The following CTNNA3 variants were observed in gnomAD, a reference collection of about 807,000 sequenced individuals.
CTNNA3 encodes the protein catenin alpha-3.
In CTNNA3, 76 loss-of-function variants were observed where a neutral mutation model predicts 95.7. That is an observed-to-expected ratio of 0.79 (90% confidence interval 0.66 to 0.96). The LOEUF (loss-of-function observed/expected upper bound fraction) is 0.96, where lower values mean the gene tolerates loss of function less well. CTNNA3 is among the 40% of genes least tolerant of loss of function. The pLI, the probability that CTNNA3 is intolerant of heterozygous loss-of-function variation, is 0.00. For missense variants in CTNNA3, 1,191 were observed against 1,089.8 expected, an observed-to-expected ratio of 1.09 and a Z score of -1.31; for synonymous variants, 431 against 374.4, an observed-to-expected ratio of 1.15 and a Z score of -1.74.
chr10:66,477,348 T>C (rs190907767), intron 11 of CTNNA3, among the ~76,000 whole-genome samples: 2 of 152,234 alleles, frequency 1.3e-5, no homozygotes, highest in African/African-American at 4.8e-5. Flanking sequence ...GCTTTTAAAA[T>C]GTTGATGTAT....
intron 6 of CTNNA3, among the ~76,000 whole-genome samples, chr10:67,213,782 G>A (rs79903444): frequency 0.011 from 1,670 of 151,634 alleles, 31 homozygotes; most frequent in African/African-American, 0.038. Flanking sequence ...ATTTCTAGGT[G>A]GCCTGTATAA....
intron 7 of CTNNA3, among the ~76,000 whole-genome samples, chr10:66,952,160 G>A (rs912577653): frequency 2.0e-5 from 3 of 152,168 alleles, no homozygotes; most frequent in African/African-American, 7.2e-5. Context: ...CACCACTGGA[G>A]GGGTGTACAG....
intron 13 of CTNNA3, among the ~76,000 whole-genome samples, chr10:66,211,983 G>GTTTTTTTTT (rs61453326): frequency 4.2e-5 from 4 of 95,030 alleles, no homozygotes; most frequent in African/African-American, 8.9e-5. Context: ...TTGTTTTTGG[G>GTTTTTTTTT]TTTTTTTTTT....
At chr10:66,250,524 C>T (rs1442550671) in intron 13 of CTNNA3, among the ~76,000 whole-genome samples, 3 of 152,092 alleles carry the variant, frequency 2.0e-5, no homozygotes, top group Non-Finnish European at 4.4e-5. Context: ...ATCAAAGTAT[C>T]TCATGTGCCC....
At chr10:67,399,010 A>G (rs1039579283) in intron 5 of CTNNA3, among the ~76,000 whole-genome samples, 2 of 151,716 alleles carry the variant, frequency 1.3e-5, no homozygotes, top group African/African-American at 4.8e-5. Flanking sequence ...TGAGAACAGA[A>G]CGAATACACT....
At chr10:66,632,787 G>T (rs964638280) in intron 9 of CTNNA3, among the ~76,000 whole-genome samples, 1 of 151,208 alleles carries the variant, frequency 6.6e-6, no homozygotes, top group Non-Finnish European at 1.5e-5. Context: ...CAAAAGATAG[G>T]CAAAACTTTG....
In CTNNA3 at chr10:66,544,125, G is replaced by A. The variant is rs1841964441; in HGVS notation, c.1375-23352C>T. 2.0e-5 allele frequency among the ~76,000 whole-genome samples: 3 copies of A among 151,714 alleles called. No individual in the cohort carries two copies. The South Asian group carries it at 6.2e-4, about 31-fold the overall frequency. On this transcript the variant is annotated intron_variant, in intron 10 of 17. Transcript: ENST00000433211. ...TACTTCACACAGTAATGTGACTCAA[G>A]GCTTCATTGGCTATTATGTCCCCTT...
intron 13 of CTNNA3, among the ~76,000 whole-genome samples, chr10:66,223,127 A>G (rs1180044261): frequency 1.3e-5 from 2 of 152,114 alleles, no homozygotes; most frequent in African/African-American, 2.4e-5. Context: ...GACCTTTAAG[A>G]ACATCCCTGA....
intron 17 of CTNNA3, among the ~76,000 whole-genome samples, chr10:65,940,564 T>A (rs1240411473): frequency 6.6e-6 from 1 of 152,212 alleles, no homozygotes. Context: ...AGTAGTAAAA[T>A]ATTTATTCAG....
At chr10:66,092,272 G>T (rs1169665748) in intron 14 of CTNNA3, among the ~76,000 whole-genome samples, 1 of 151,866 alleles carries the variant, frequency 6.6e-6, no homozygotes, top group African/African-American at 2.4e-5. Flanking sequence ...TTAACTTTCT[G>T]CTTCTTCCTG....
chr10:66,450,239 G>A lies in CTNNA3; in HGVS notation c.1531+70378C>T, dbSNP rs76216956. On this transcript the variant is annotated intron_variant, in intron 11 of 17. Transcript: ENST00000433211. ...AATTTATTTTCTCATTTGATATTTT[G>A]CAGTTATGTTTAAGTCACATGCTAG... Among the ~76,000 whole-genome samples the A allele has an allele frequency of 0.013, 1,941 of 152,144 alleles. 166 individuals are homozygous for A. The East Asian group carries it at 0.24, about 18-fold the overall frequency.
At chr10:67,756,344 T>C (rs980617125) in intron 1 of CTNNA3, among the ~76,000 whole-genome samples, 7 of 152,278 alleles carry the variant, frequency 4.6e-5, no homozygotes, top group South Asian at 4.1e-4. Flanking sequence ...GTTTCTAGCA[T>C]AAAAAAGACA....
intron 10 of CTNNA3, among the ~76,000 whole-genome samples, chr10:66,547,223 C>T (rs1019176538): frequency 5.3e-5 from 8 of 152,154 alleles, no homozygotes; most frequent in Admixed American, 4.6e-4. Context: ...AAACACGTCA[C>T]ACGACCACTC....
Position 66,520,792 on chromosome 10 carries a change from A to C in CTNNA3, c.1375-19T>G. Reference sequence around the variant, plus strand: ...TAATAATCTATAAAGATAAGGATTGAAAAAATTACCTATTGGTTGCAATGT... The same window carrying C: ...TAATAATCTATAAAGATAAGGATTGCAAAAATTACCTATTGGTTGCAATGT... On this transcript the variant is annotated intron_variant, in intron 10 of 17. Transcript: ENST00000433211. The C allele has an allele frequency of 6.2e-7, 1 of 1,604,962 alleles. No homozygotes were observed. The highest frequency in any genetic ancestry group is 8.5e-7 in the Non-Finnish European group (1 of 1,174,630).
At chr10:66,159,178 G>C (rs1234505444) in intron 13 of CTNNA3, among the ~76,000 whole-genome samples, 1 of 151,948 alleles carries the variant, frequency 6.6e-6, no homozygotes, top group Admixed American at 6.6e-5. Flanking sequence ...TGCTTGGCTA[G>C]GACTTCCAGT....
rs1285650369 is a variant in CTNNA3, at chr10:67,726,426, T to TTATATATAATATTA, written c.-2+37007_-2+37008insTAATATTATATATA. Among the ~76,000 whole-genome samples the TTATATATAATATTA allele has an allele frequency of 2.0e-4, 6 of 29,518 alleles. 1 individual carries two copies. Among genetic ancestry groups the TTATATATAATATTA allele is most frequent in the African/African-American group, 4.0e-4 (1 of 2,490 alleles). 19.4% of individuals were successfully genotyped at this position (29,518 alleles called of 152,430 possible). A position where few individuals can be genotyped will look rare whatever the true frequency, so the allele number is the denominator to read the frequency against. ...ATTATATCATATATAATATTATATA[T>TTATATATAATATTA]TATATCATATATAATATATAATATT... is the stretch of plus-strand genomic sequence containing the variant. On this transcript the variant is annotated intron_variant, in intron 1 of 17. Transcript: ENST00000684154.
In CTNNA3 at chr10:66,927,913, C is replaced by G; in HGVS notation, c.1048-152389G>C. The stretch of plus-strand genomic sequence containing the variant: ...AAACTGGCTGAAAAGTTTTAAAGGT[C>G]TAAGGGAGAATACAATTATCTGTGC... On this transcript the variant is annotated intron_variant, in intron 7 of 17. Transcript: ENST00000433211. The surrounding 1 kb of genome is among the most constrained non-coding windows in gnomAD (Gnocchi z 4.7). 1 of 1,614,186 alleles carries G rather than the reference C, an allele frequency of 6.2e-7. No individual in the cohort carries two copies. The highest frequency in any genetic ancestry group is 8.5e-7 in the Non-Finnish European group (1 of 1,180,046).
chr10:66,908,470 G>T (rs1374364010), intron 7 of CTNNA3, among the ~76,000 whole-genome samples: 1 of 152,122 alleles, frequency 6.6e-6, no homozygotes, highest in African/African-American at 2.4e-5. Flanking sequence ...AGAATGAAAG[G>T]CTGGTGCAGA....
intron 5 of CTNNA3, among the ~76,000 whole-genome samples, chr10:67,407,339 G>C (rs947523162): frequency 6.6e-6 from 1 of 152,158 alleles, no homozygotes; most frequent in Non-Finnish European, 1.5e-5. Context: ...CTCAACAGAT[G>C]CAGGAAAGGC....
Sources: gnomAD v4.1 joint callset for allele counts (sites outside exome capture counted in the v4.1 genomes callset) on GRCh38, gnomAD v4.1.1 for gene constraint, Gnocchi (gnomAD v3.1) non-coding constraint, MANE v1.5 for transcripts, NCBI Gene and HGNC (gene_info 2026-07-23, HGNC 2026-07-21) for gene names.